KIF26A: variants seen among roughly 807,000 people sequenced by gnomAD.
KIF26A encodes kinesin-like protein KIF26A.
KIF26A carries 74 observed loss-of-function variants against 126.0 expected under a neutral mutation model. The ratio of observed to expected loss-of-function variants is 0.59; its 90% CI spans 0.49 to 0.71. KIF26A has a LOEUF of 0.71. Ranked by LOEUF, KIF26A falls within the 30% of genes least tolerant of loss-of-function variation. The pLI, the probability that KIF26A is intolerant of heterozygous loss-of-function variation, is 0.00. For synonymous variants in KIF26A, 1,445 were observed against 1,232.7 expected, an observed-to-expected ratio of 1.17 and a Z score of -3.61; for missense variants, 2,984 against 2,763.3, an observed-to-expected ratio of 1.08 and a Z score of -1.79.
At position 104,174,163 on chromosome 14, in the gene KIF26A, C is replaced by T. The variant is rs766203541; in HGVS notation, c.2046C>T (p.Thr682=). ...CGACCCGCAGGGACCACAGGCTCAC[C>T]ATGCTGCTGCGTGAATCCCTGGCCA... ...KHVPYRDHRL[T]MLLRESLATA... Residue 682 remains threonine, a synonymous_variant, in exon 11 of 15, where the codon ACC becomes ACT. Transcript: ENST00000423312. 33 of 1,582,268 alleles carry T rather than the reference C, an allele frequency of 2.1e-5. No homozygotes were observed. Among genetic ancestry groups the T allele is most frequent in the Non-Finnish European group, 2.8e-5 (32 of 1,163,084 alleles).
chr14:104,141,161 A>C (rs1484768616), intron 2 of KIF26A, among the ~76,000 whole-genome samples: 1 of 152,082 alleles, frequency 6.6e-6, no homozygotes, highest in African/African-American at 2.4e-5. Context: ...ATGTGTGGAC[A>C]TGGCTGCTTC....
At chr14:104,166,356 C>A (rs1241610659) in intron 4 of KIF26A, among the ~76,000 whole-genome samples, 1 of 152,108 alleles carries the variant, frequency 6.6e-6, no homozygotes, top group Admixed American at 6.5e-5. Context: ...TGTGTCAGTC[C>A]ATTAGGGCCA....
rs927607248 is a variant in KIF26A at position 104,139,322 on chromosome 14, G to A, written c.288+34G>A. 3 of 1,397,060 alleles carry A rather than the reference G, an allele frequency of 2.1e-6. No individual in the cohort carries two copies. The African/African-American group carries it at 4.5e-5, about 21-fold the overall frequency. The allele number at this position is 1,397,060 out of a possible 1,614,324, so 86.5% of individuals were successfully genotyped here. On this transcript the variant is annotated intron_variant, in intron 2 of 14. Transcript: ENST00000423312. ...CACTTCCTTAGGCCGACCCCTCCGA[G>A]CAGGGCCACGCCGAACTTGGGTAGA...
chr14:104,146,184 G>A (rs1428955747), intron 2 of KIF26A, among the ~76,000 whole-genome samples: 2 of 152,196 alleles, frequency 1.3e-5, no homozygotes, highest in African/African-American at 4.8e-5. Flanking sequence ...TGAACAGGGT[G>A]GTTGTTTTTG....
At position 104,152,586 on chromosome 14, in the gene KIF26A, C is replaced by T; in HGVS notation, c.735+125C>T. 2.3e-6 allele frequency: 2 copies of T among 878,464 alleles called. No individual in the cohort carries two copies. The highest frequency in any genetic ancestry group is 3.4e-6 in the Non-Finnish European group (2 of 594,410). 54.4% of individuals were successfully genotyped at this position (878,464 alleles called of 1,614,324 possible). A position where few individuals can be genotyped will look rare whatever the true frequency, so the allele number is the denominator to read the frequency against. On this transcript the variant is annotated intron_variant, in intron 3 of 14. Coordinates refer to ENST00000423312, the MANE Select transcript of KIF26A (RefSeq NM_015656.2). This position sits in a 1 kb window ranked among gnomAD's most constrained non-coding sequence, Gnocchi z 5.9. ...TTCCCTGAAGGGAGGGGACGGCGGG[C>T]ATGGGGGTTCCTGACACTCCTGAGG...
intron 2 of KIF26A, among the ~76,000 whole-genome samples, chr14:104,146,706 G>C (rs1241502222): frequency 6.6e-6 from 1 of 152,212 alleles, no homozygotes; most frequent in African/African-American, 2.4e-5. Flanking sequence ...CCGGCATCCG[G>C]ACGGCTCCTG....
At chr14:104,174,419 C>G in intron 11 of KIF26A, 109 bp downstream of exon 11, 2 of 1,141,148 alleles carry the variant, frequency 1.8e-6, no homozygotes, top group Admixed American at 6.1e-5. Flanking sequence ...GGCCTGGAGC[C>G]TGGGTAGATG....
rs1025697280 is a variant in KIF26A at position 104,173,148 on chromosome 14, G to A, written c.1592G>A (p.Arg531Gln). ...GTGTGCGGGCGCGACCAGAGCCTGC[G>A]GGACCTGCTGGCCGAGGTGGCCCCT... ...VEVCGRDQSL[R>Q]DLLAEVAPGS... is the part of the protein sequence containing the mutation. The change falls in exon 8 of 15, where the codon CGG becomes CAG. Residue 531 changes from arginine to glutamine, a missense_variant. Physicochemically the swap from Arg to Gln is conservative, Grantham distance 43. Transcript: ENST00000423312. 3.7e-6 allele frequency: 6 copies of A among 1,610,592 alleles called. No individual in the cohort carries two copies. Among genetic ancestry groups the A allele is most frequent in the African/African-American group, 2.7e-5 (2 of 74,896 alleles).
chr14:104,138,774 G>T lies in KIF26A; in HGVS notation c.42+10G>T. 1 of 1,257,912 alleles carries T rather than the reference G, an allele frequency of 7.9e-7. No individual in the cohort carries two copies. Among genetic ancestry groups the T allele is most frequent in the Non-Finnish European group, 1.0e-6 (1 of 1,004,342 alleles). The allele number at this position is 1,257,912 out of a possible 1,614,324, so 77.9% of individuals were successfully genotyped here. On this transcript the variant is annotated intron_variant, in intron 1 of 14. Coordinates refer to ENST00000423312, the MANE Select transcript of KIF26A (RefSeq NM_015656.2). ...CGCTGCGCAGCCCGCGGTACGCGCG[G>T]CCCGGCCTGGAGAGGGAGGCGGGCG... is the stretch of plus-strand genomic sequence containing the variant.
At position 104,180,321 on chromosome 14, in the gene KIF26A, A is replaced by G. The variant is rs1413921136; in HGVS notation, c.*531A>G. The G allele has an allele frequency of 6.6e-6, 1 of 152,204 alleles. No homozygotes were observed. Among genetic ancestry groups the G allele is most frequent in the Non-Finnish European group, 1.5e-5 (1 of 68,112 alleles). 9.4% of individuals were successfully genotyped at this position (152,204 alleles called of 1,614,324 possible). On this transcript the variant is annotated 3_prime_UTR_variant, in exon 15 of 15. Coordinates refer to ENST00000423312, the MANE Select transcript of KIF26A (RefSeq NM_015656.2). ...TGTGTGGGGTTCTCAACGCAGATCC[A>G]TCCTGGGGTCTCCCGGGCAGGGATG...
intron 4 of KIF26A, among the ~76,000 whole-genome samples, chr14:104,160,622 G>C (rs769225714): frequency 6.6e-6 from 1 of 152,114 alleles, no homozygotes; most frequent in Non-Finnish European, 1.5e-5. Flanking sequence ...GGGTGGCCCC[G>C]GGGTTAGGAG....
Position 104,175,710 on chromosome 14 carries a change from T to A in KIF26A, c.2922T>A (p.Asp974Glu). 1 of 1,593,234 alleles carries A rather than the reference T, an allele frequency of 6.3e-7. No homozygotes were observed. ...AAGAGCCTGGGGGAGGGGGCACTGATGGAGTGGCACGGACCCCTCCCGTGG... is the reference window on the plus strand; with the variant it reads ...AAGAGCCTGGGGGAGGGGGCACTGAAGGAGTGGCACGGACCCCTCCCGTGG... ...APEEPGGGGT[D>E]GVARTPPVGM... The change falls in exon 12 of 15, where the codon GAT (aspartate) becomes GAA (glutamate). Residue 974 changes from aspartate (D) to glutamate (E), a missense_variant. Physicochemically the swap from Asp to Glu is conservative, Grantham distance 45. Coordinates refer to ENST00000423312, the MANE Select transcript of KIF26A (RefSeq NM_015656.2).
rs1378772476 is a variant in KIF26A at position 104,146,193 on chromosome 14, T to G, written c.289-5822T>G. On this transcript the variant is annotated intron_variant, in intron 2 of 14. Transcript: ENST00000423312. Reference sequence around the variant, plus strand: ...AGCCAGTGAACAGGGTGGTTGTTTTTGGGGGTGGGTGGCCCCTAGGGCTGT... The same window carrying G: ...AGCCAGTGAACAGGGTGGTTGTTTTGGGGGGTGGGTGGCCCCTAGGGCTGT... 3.9e-5 allele frequency among the ~76,000 whole-genome samples: 6 copies of G among 152,156 alleles called. No homozygotes were observed. In the East Asian group the frequency reaches 9.7e-4, roughly 25 times the overall value.
rs570441048 is a variant in KIF26A, at chr14:104,178,534, C to T, written c.5111-16C>T. 1.8e-4 allele frequency: 266 copies of T among 1,443,486 alleles called. No homozygotes were observed. The highest frequency in any genetic ancestry group is 1.0e-3 in the Middle Eastern group (4 of 3,936). The allele number at this position is 1,443,486 out of a possible 1,614,324, so 89.4% of individuals were successfully genotyped here. The stretch of plus-strand genomic sequence containing the variant: ...GCCCCGCCTCTGTTCACCCTGTGCC[C>T]GGCTCTCCGTTCCAGGTCTGCAGCG... On this transcript the variant is annotated splice_polypyrimidine_tract_variant and intron_variant, in intron 12 of 14. Transcript: ENST00000423312.
In KIF26A at chr14:104,176,679, A is replaced by C. The variant is rs749593517; in HGVS notation, c.3891A>C (p.Pro1297=). The change falls in exon 12 of 15, where the codon CCA becomes CCC. Residue 1297 remains proline, a synonymous_variant. Coordinates refer to ENST00000423312, the MANE Select transcript of KIF26A (RefSeq NM_015656.2). The part of the protein sequence containing the change: ...CEVAARAARR[P]EAVARIPPLR... Reference sequence around the variant, plus strand: ...TGGCAGCCAGGGCGGCCCGCAGGCCAGAGGCTGTGGCTCGGATCCCACCGC... The same window carrying C: ...TGGCAGCCAGGGCGGCCCGCAGGCCCGAGGCTGTGGCTCGGATCCCACCGC... 12 of 1,596,844 alleles carry C rather than the reference A, an allele frequency of 7.5e-6. No individual in the cohort carries two copies. The Admixed American group carries it at 1.7e-4, about 22-fold the overall frequency.
At chr14:104,165,248 C>T (rs1168710020) in intron 4 of KIF26A, among the ~76,000 whole-genome samples, 5 of 136,414 alleles carry the variant, frequency 3.7e-5, no homozygotes, top group African/African-American at 5.8e-5. Context: ...TCTCTGTCTC[C>T]ATATGCATGT....
intron 4 of KIF26A, among the ~76,000 whole-genome samples, chr14:104,165,707 G>GTGCATATGTGTGTCTGTGTGTTTCTGTA (rs1314772896): frequency 4.0e-5 from 6 of 148,296 alleles, no homozygotes; most frequent in Admixed American, 1.3e-4. Flanking sequence ...CTCTGTCTCT[G>GTGCATATGTGTGTCTGTGTGTTTCTGTA]TGCATATGTG....
chr14:104,158,360 C>T (rs369033862), intron 4 of KIF26A, among the ~76,000 whole-genome samples: 2 of 152,222 alleles, frequency 1.3e-5, no homozygotes, highest in South Asian at 2.1e-4. Context: ...GAGAATGTGG[C>T]CCGGAGTGGG....
At chr14:104,154,393 T>A (rs964836851) in intron 3 of KIF26A, among the ~76,000 whole-genome samples, 1 of 151,400 alleles carries the variant, frequency 6.6e-6, no homozygotes, top group Non-Finnish European at 1.5e-5. Context: ...CTTGGAGGGG[T>A]GGTGGGTGGC....
Sources: allele counts gnomAD v4.1 joint callset (sites outside exome capture counted in the v4.1 genomes callset), GRCh38; gene constraint gnomAD v4.1.1; non-coding constraint Gnocchi (gnomAD v3.1); transcripts MANE v1.5; gene names NCBI Gene and HGNC (gene_info 2026-07-23, HGNC 2026-07-21).